Variants in DCC observed in about 807,000 individuals in gnomAD.
The protein encoded by DCC is DCC netrin 1 receptor, also known as netrin receptor DCC.
A neutral mutation model predicts 172.5 loss-of-function variants in DCC; 58 were observed. The ratio of observed to expected loss-of-function variants is 0.34; its 90% confidence interval spans 0.27 to 0.42. The LOEUF (loss-of-function observed/expected upper bound fraction) is 0.42, where lower values mean the gene tolerates loss of function less well. Ranked by LOEUF, DCC falls within the 10% of genes least tolerant of loss-of-function variation. The pLI is 1.00. For synonymous variants in DCC, 709 were observed against 644.5 expected, an observed-to-expected ratio of 1.10 and a Z score of -1.52; for missense variants, 1,740 against 1,791.0, an observed-to-expected ratio of 0.97 and a Z score of 0.51.
chr18:53,081,540 T>A (rs1194705208), intron 7 of DCC, among the ~76,000 whole-genome samples: 1 of 151,950 alleles, frequency 6.6e-6, no homozygotes, highest in Non-Finnish European at 1.5e-5. Flanking sequence ...AAAGACCTCC[T>A]CCACTCTCTG....
intron 1 of DCC, among the ~76,000 whole-genome samples, chr18:52,453,735 T>C (rs1466327875): frequency 1.3e-5 from 2 of 152,188 alleles, no homozygotes; most frequent in Admixed American, 1.3e-4. Context: ...GAGATTTTTT[T>C]CCTCTAACAT....
chr18:53,070,411 A>G (rs952878198), intron 7 of DCC, among the ~76,000 whole-genome samples: 4 of 152,258 alleles, frequency 2.6e-5, no homozygotes, highest in Non-Finnish European at 4.4e-5. Flanking sequence ...GGATGACAGC[A>G]GAAAAATAAA....
intron 5 of DCC, among the ~76,000 whole-genome samples, chr18:53,004,773 T>C (rs933998396): frequency 5.3e-5 from 8 of 152,174 alleles, no homozygotes; most frequent in African/African-American, 1.9e-4. Context: ...GAGATGCCTG[T>C]GTGTGCAGGA....
intron 7 of DCC, among the ~76,000 whole-genome samples, chr18:53,079,460 A>G (rs1377204470): frequency 6.6e-6 from 1 of 152,162 alleles, no homozygotes; most frequent in African/African-American, 2.4e-5. Flanking sequence ...AGATCAAGAA[A>G]AATAACAACA....
intron 7 of DCC, among the ~76,000 whole-genome samples, chr18:53,090,590 A>G (rs956829758): frequency 6.6e-6 from 1 of 150,448 alleles, no homozygotes; most frequent in African/African-American, 2.4e-5. Context: ...GCCACTCGGC[A>G]GGCTGAGGCA....
At chr18:53,046,252 C>G (rs1223432839) in intron 5 of DCC, among the ~76,000 whole-genome samples, 2 of 151,838 alleles carry the variant, frequency 1.3e-5, no homozygotes, top group African/African-American at 4.8e-5. Context: ...ACTAATTACC[C>G]TTAAACTGCC....
rs540334133 is a variant in DCC at position 52,629,949 on chromosome 18, CAAA to C, written c.92-122080_92-122078del. Among the ~76,000 whole-genome samples the C allele has an allele frequency of 5.6e-4, 23 of 40,900 alleles. No homozygotes were observed. In the South Asian group the frequency reaches 0.01, roughly 19 times the overall value. The allele number at this position is 40,900 out of a possible 152,430, so 26.8% of individuals were successfully genotyped here. On this transcript the variant is annotated intron_variant, in intron 1 of 28. Transcript: ENST00000442544. Reference sequence around the variant, plus strand: ...TGGGCGACAGAGCAAGACTCCGTCTCAAAAAAAAAAAAAAAAAAAAAAAAAAAT... The same window carrying C: ...TGGGCGACAGAGCAAGACTCCGTCTCAAAAAAAAAAAAAAAAAAAAAAAAT...
chr18:53,400,061 C>T (rs568703912), intron 18 of DCC, among the ~76,000 whole-genome samples: 55 of 152,034 alleles, frequency 3.6e-4, no homozygotes, highest in African/African-American at 1.1e-3. Flanking sequence ...TGTCTTTGAG[C>T]GAATTGTGGT....
intron 1 of DCC, among the ~76,000 whole-genome samples, chr18:52,500,937 A>G (rs1399477447): frequency 2.0e-5 from 3 of 152,194 alleles, no homozygotes. Flanking sequence ...CAAGTAATTG[A>G]CACGTGGACA....
intron 2 of DCC, among the ~76,000 whole-genome samples, chr18:52,856,203 AAGTT>A (rs1322662935): frequency 8.5e-5 from 13 of 152,216 alleles, no homozygotes; most frequent in Non-Finnish European, 1.8e-4. Context: ...TTGAATAAGT[AAGTT>A]AATTTAAATA....
chr18:53,118,411 T>A (rs899091774), intron 7 of DCC, among the ~76,000 whole-genome samples: 1 of 151,798 alleles, frequency 6.6e-6, no homozygotes, highest in South Asian at 2.1e-4. Context: ...GAAACCTCAT[T>A]TGAGTGATTA....
intron 1 of DCC, among the ~76,000 whole-genome samples, chr18:52,689,017 C>T (rs16955363): frequency 0.039 from 5,891 of 152,122 alleles, 246 homozygotes; most frequent in Admixed American, 0.12. Context: ...GCTTTAGGCA[C>T]CTAGAATATT....
chr18:53,175,611 A>T (rs1598876477), intron 8 of DCC, among the ~76,000 whole-genome samples: 1 of 151,554 alleles, frequency 6.6e-6, no homozygotes, highest in East Asian at 2.0e-4. Context: ...CTAGGAATCC[A>T]ACTTACAAGG....
At chr18:53,502,694 T>C (rs1004709287) in intron 27 of DCC, among the ~76,000 whole-genome samples, 1 of 152,216 alleles carries the variant, frequency 6.6e-6, no homozygotes, top group Non-Finnish European at 1.5e-5. Context: ...AATTTATCTT[T>C]ACTTACCGCA....
intron 1 of DCC, among the ~76,000 whole-genome samples, chr18:52,441,613 C>A (rs1292001457): frequency 6.6e-6 from 1 of 152,106 alleles, no homozygotes; most frequent in Non-Finnish European, 1.5e-5. Flanking sequence ...TCTTCTTCAG[C>A]CTGACAGAGT....
At chr18:52,664,673 G>T (rs188010885) in intron 1 of DCC, among the ~76,000 whole-genome samples, 28 of 151,608 alleles carry the variant, frequency 1.8e-4, no homozygotes, top group African/African-American at 6.5e-4. Context: ...GGGTTTCACC[G>T]TGTTAGCCAG....
At chr18:52,708,554 G>A (rs1483298989) in intron 1 of DCC, among the ~76,000 whole-genome samples, 1 of 152,106 alleles carries the variant, frequency 6.6e-6, no homozygotes, top group Non-Finnish European at 1.5e-5. Flanking sequence ...AGATGGTGAA[G>A]TTCATTTGCA....
chr18:52,930,833 A>G (rs577615991), intron 5 of DCC, among the ~76,000 whole-genome samples: 1 of 152,240 alleles, frequency 6.6e-6, no homozygotes, highest in African/African-American at 2.4e-5. Context: ...ATATGGCACC[A>G]AATCTTTTTC....
chr18:53,033,090 A>G (rs1416238148), intron 5 of DCC, among the ~76,000 whole-genome samples: 3 of 152,144 alleles, frequency 2.0e-5, no homozygotes, highest in African/African-American at 7.2e-5. Context: ...AGACTCCTAA[A>G]CAGGGTAAAG....
Sources: allele counts gnomAD v4.1 joint callset (sites outside exome capture counted in the v4.1 genomes callset), GRCh38; gene constraint gnomAD v4.1.1; transcripts MANE v1.5; gene names NCBI Gene and HGNC (gene_info 2026-07-23, HGNC 2026-07-21).